The following ZNF385D variants were observed in gnomAD, a reference collection of about 807,000 sequenced individuals.
ZNF385D encodes zinc finger protein 659.
A neutral mutation model predicts 35.8 loss-of-function variants in ZNF385D; 15 were observed. That is an observed-to-expected ratio of 0.42 (90% CI 0.28 to 0.64). The LOEUF (loss-of-function observed/expected upper bound fraction) is 0.64. ZNF385D is among the 30% of genes least tolerant of loss of function. ZNF385D has a pLI of 0.23. For synonymous variants in ZNF385D, 212 were observed against 186.8 expected (o/e 1.13, Z -1.10); for missense variants, 474 against 494.6 (o/e 0.96, Z 0.39).
At chr3:22,029,993 G>A (rs932446298) in intron 3 of ZNF385D, among the ~76,000 whole-genome samples, 1 of 151,746 alleles carries the variant, frequency 6.6e-6, no homozygotes, top group African/African-American at 2.4e-5. Context: ...GGCTGGGGAA[G>A]GCAGACCCAC....
intron 3 of ZNF385D, among the ~76,000 whole-genome samples, chr3:21,964,403 T>G (rs1702764569): frequency 8.2e-6 from 1 of 121,754 alleles, no homozygotes; most frequent in Non-Finnish European, 1.7e-5. Flanking sequence ...CTACAGTTGG[T>G]CCTTTTTGTA....
chr3:22,372,133 G>T (rs1261150231), intron 2 of ZNF385D, among the ~76,000 whole-genome samples: 1 of 151,942 alleles, frequency 6.6e-6, no homozygotes, highest in East Asian at 1.9e-4. Flanking sequence ...CCCCGCCTCG[G>T]CCTCCCCTGC....
At chr3:22,115,065 G>A (rs571230963) in intron 3 of ZNF385D, among the ~76,000 whole-genome samples, 6 of 152,096 alleles carry the variant, frequency 3.9e-5, no homozygotes, top group South Asian at 2.1e-4. Context: ...ACAGTGACAC[G>A]AACAAACTAA....
At chr3:22,363,489 T>C (rs963955048) in intron 2 of ZNF385D, among the ~76,000 whole-genome samples, 1 of 152,204 alleles carries the variant, frequency 6.6e-6, no homozygotes, top group Non-Finnish European at 1.5e-5. Context: ...GTAAGATTCC[T>C]GTTCAAATCT....
At chr3:21,966,410 C>G (rs112624473) in intron 3 of ZNF385D, among the ~76,000 whole-genome samples, 2 of 152,146 alleles carry the variant, frequency 1.3e-5, no homozygotes, top group Admixed American at 1.3e-4. Context: ...CTGGTAAAGA[C>G]GCATTTGTGG....
intron 3 of ZNF385D, among the ~76,000 whole-genome samples, chr3:21,802,087 C>A (rs1181538112): frequency 6.6e-6 from 1 of 152,098 alleles, no homozygotes; most frequent in Non-Finnish European, 1.5e-5. Context: ...TAACAGACTA[C>A]AGAAATGCCT....
intron 3 of ZNF385D, among the ~76,000 whole-genome samples, 173 bp from the exon 4 acceptor site, chr3:21,511,196 C>G (rs1707174533): frequency 6.6e-6 from 1 of 152,060 alleles, no homozygotes; most frequent in Admixed American, 6.6e-5. Flanking sequence ...AATGGGAATC[C>G]AGTTGTAAAA....
At chr3:21,512,896 G>A (rs190912313) in intron 3 of ZNF385D, among the ~76,000 whole-genome samples, 3 of 152,074 alleles carry the variant, frequency 2.0e-5, no homozygotes, top group Non-Finnish European at 4.4e-5. Flanking sequence ...TCTTCTTTAG[G>A]CATCTGGATA....
chr3:22,228,117 G>C (rs1291971119), intron 2 of ZNF385D, among the ~76,000 whole-genome samples: 1 of 152,190 alleles, frequency 6.6e-6, no homozygotes, highest in Non-Finnish European at 1.5e-5. Context: ...AGATAGCAGA[G>C]ATGGTAGCAC....
At chr3:21,869,674 C>T (rs1697580857) in intron 3 of ZNF385D, among the ~76,000 whole-genome samples, 1 of 152,034 alleles carries the variant, frequency 6.6e-6, no homozygotes, top group Non-Finnish European at 1.5e-5. Context: ...ACACAGTTAG[C>T]TTTTACTGCA....
intron 2 of ZNF385D, among the ~76,000 whole-genome samples, chr3:21,637,340 C>T (rs2065478832): frequency 6.6e-6 from 1 of 152,114 alleles, no homozygotes. Context: ...TATCCCAGCA[C>T]CATTTGTTGA....
chr3:21,800,007 C>A (rs555257889), intron 3 of ZNF385D, among the ~76,000 whole-genome samples: 1 of 152,078 alleles, frequency 6.6e-6, no homozygotes, highest in Non-Finnish European at 1.5e-5. Flanking sequence ...TTGAAAAGAC[C>A]ATTATTTCCA....
chr3:21,815,714 G>A (rs899886367), intron 3 of ZNF385D, among the ~76,000 whole-genome samples: 18 of 152,208 alleles, frequency 1.2e-4, no homozygotes, highest in East Asian at 3.9e-4. Context: ...AACCAGTACC[G>A]GACCAGACGG....
chr3:22,079,174 A>C lies in ZNF385D; in HGVS notation c.325+89643T>G, dbSNP rs115327021. On this transcript the variant is annotated intron_variant, in intron 3 of 5. Coordinates refer to the ZNF385D transcript ENST00000494108. ...CCTACATTAGCCAATGCTAAACTTG[A>C]GTGCCACAGTACATAAATAATTGTA... Among the ~76,000 whole-genome samples, 793 of 152,188 alleles carry C rather than the reference A, an allele frequency of 5.2e-3. 5 individuals are homozygous for C. Among genetic ancestry groups the C allele is most frequent in the Admixed American group, 0.018 (268 of 15,258 alleles).
At chr3:21,855,080 G>A (rs1201228445) in intron 3 of ZNF385D, among the ~76,000 whole-genome samples, 1 of 151,738 alleles carries the variant, frequency 6.6e-6, no homozygotes, top group Non-Finnish European at 1.5e-5. Context: ...TGGCTTCTCA[G>A]ACTTCTTTTA....
chr3:21,977,252 T>A (rs990847291), intron 3 of ZNF385D, among the ~76,000 whole-genome samples: 3 of 152,186 alleles, frequency 2.0e-5, no homozygotes, highest in Non-Finnish European at 1.5e-5. Flanking sequence ...ATGTTTACTT[T>A]GTGGAAATCC....
At chr3:21,888,366 C>T (rs576280086) in intron 3 of ZNF385D, among the ~76,000 whole-genome samples, 1 of 151,888 alleles carries the variant, frequency 6.6e-6, no homozygotes. Flanking sequence ...AAGGAAGAGA[C>T]TTGAAGACCA....
intron 3 of ZNF385D, among the ~76,000 whole-genome samples, chr3:21,935,521 T>G (rs1701215981): frequency 1.3e-5 from 2 of 152,176 alleles, no homozygotes; most frequent in Non-Finnish European, 2.9e-5. Context: ...CAAAACCTGC[T>G]GGTTCTTTCA....
intron 2 of ZNF385D, among the ~76,000 whole-genome samples, chr3:22,279,351 A>G (rs966249368): frequency 6.6e-6 from 1 of 151,770 alleles, no homozygotes; most frequent in South Asian, 2.1e-4. Flanking sequence ...GAGTAAGAAC[A>G]TGTGATATTT....
Sources: gnomAD v4.1 joint callset for allele counts (sites outside exome capture counted in the v4.1 genomes callset) on GRCh38, gnomAD v4.1.1 for gene constraint, MANE v1.5 for transcripts, NCBI Gene and HGNC (gene_info 2026-07-23, HGNC 2026-07-21) for gene names.